The following RERG variants were observed in gnomAD, a reference collection of about 807,000 sequenced individuals.
RERG encodes the protein ras-related and estrogen-regulated growth inhibitor.
RERG carries 25 observed loss-of-function variants against 23.2 expected under a neutral mutation model. That is an observed-to-expected ratio of 1.08 (90% CI 0.79 to 1.50). RERG has a LOEUF of 1.50. Among genes scored for constraint, RERG ranks in the 40% most tolerant of loss-of-function variants. RERG has a pLI of 0.00. For synonymous variants in RERG, 81 were observed against 89.1 expected, an observed-to-expected ratio of 0.91 and a Z score of 0.51; for missense variants, 253 against 250.1, an observed-to-expected ratio of 1.01 and a Z score of -0.08.
intron 2 of RERG, among the ~76,000 whole-genome samples, chr12:15,168,374 G>A (rs951729825): frequency 6.6e-6 from 1 of 152,128 alleles, no homozygotes; most frequent in Non-Finnish European, 1.5e-5. Flanking sequence ...ACGTTTACTG[G>A]TTCCAGGACC....
intron 2 of RERG, among the ~76,000 whole-genome samples, chr12:15,195,299 T>C (rs957676187): frequency 6.6e-6 from 1 of 152,066 alleles, no homozygotes; most frequent in Admixed American, 6.6e-5. Context: ...ATACAAACCC[T>C]ATAAGACCAT....
chr12:15,187,392 T>G (rs373057119), intron 2 of RERG, among the ~76,000 whole-genome samples: 44 of 152,226 alleles, frequency 2.9e-4, no homozygotes, highest in African/African-American at 9.9e-4. Context: ...AAGTCTGGGG[T>G]CTTAGCACAA....
chr12:15,121,321 G>T (rs1863828050), intron 2 of RERG, among the ~76,000 whole-genome samples: 1 of 152,020 alleles, frequency 6.6e-6, no homozygotes, highest in Non-Finnish European at 1.5e-5. Context: ...TGTAATATTT[G>T]AATGGGTTTA....
At chr12:15,165,898 G>A (rs1319128207) in intron 2 of RERG, among the ~76,000 whole-genome samples, 1 of 152,162 alleles carries the variant, frequency 6.6e-6, no homozygotes, top group Non-Finnish European at 1.5e-5. Context: ...AAGATGGGCT[G>A]AGCATGGATG....
intron 2 of RERG, among the ~76,000 whole-genome samples, chr12:15,169,443 C>T (rs1864743659): frequency 6.6e-6 from 1 of 152,132 alleles, no homozygotes; most frequent in Non-Finnish European, 1.5e-5. Context: ...GAATTTGTCC[C>T]CTCTGCCTGA....
intron 2 of RERG, among the ~76,000 whole-genome samples, chr12:15,156,511 A>C (rs1276214560): frequency 6.6e-6 from 1 of 152,178 alleles, no homozygotes; most frequent in Non-Finnish European, 1.5e-5. Flanking sequence ...TTTAATCTCT[A>C]TCTCTCTGAT....
intron 2 of RERG, among the ~76,000 whole-genome samples, chr12:15,205,788 G>A (rs1466152099): frequency 2.6e-5 from 4 of 152,022 alleles, no homozygotes; most frequent in Non-Finnish European, 1.5e-5. Context: ...AGGAAAAGAC[G>A]TTATCTTTGT....
intron 2 of RERG, among the ~76,000 whole-genome samples, chr12:15,128,750 G>T (rs1489852101): frequency 6.6e-6 from 1 of 152,146 alleles, no homozygotes; most frequent in Non-Finnish European, 1.5e-5. Context: ...ATAATGGTTT[G>T]TCTTCCAGCT....
chr12:15,219,887 G>A (rs374142689), intron 1 of RERG, among the ~76,000 whole-genome samples: 2 of 152,102 alleles, frequency 1.3e-5, no homozygotes, highest in Admixed American at 6.5e-5. Flanking sequence ...GGCCCCAGAG[G>A]CATAGGAATT....
rs61079713 is a variant in RERG, at chr12:15,169,920, A to ATGTGTGTG, written c.61+47501_61+47508dup. 9.5e-3 allele frequency among the ~76,000 whole-genome samples: 1,305 copies of ATGTGTGTG among 137,680 alleles called. 7 individuals are homozygous for ATGTGTGTG. Among genetic ancestry groups the ATGTGTGTG allele is most frequent in the East Asian group, 0.017 (78 of 4,566 alleles). The allele number at this position is 137,680 out of a possible 152,430, so 90.3% of individuals were successfully genotyped here. A position where few individuals can be genotyped will look rare whatever the true frequency, so the allele number is the denominator to read the frequency against. Reference sequence around the variant, plus strand: ...GAAGGACACACGTCATCTGCTAAAAATGTGTGTGTGTGTGTGTGTGTGTGT... The same window carrying ATGTGTGTG: ...GAAGGACACACGTCATCTGCTAAAAATGTGTGTGTGTGTGTGTGTGTGTGTGTGTGTGT... On this transcript the variant is annotated intron_variant, in intron 2 of 4. Coordinates refer to ENST00000256953, the MANE Select transcript of RERG (RefSeq NM_032918.3).
At chr12:15,213,268 A>G (rs1373124237) in intron 2 of RERG, among the ~76,000 whole-genome samples, 6 of 152,236 alleles carry the variant, frequency 3.9e-5, no homozygotes, top group Non-Finnish European at 8.8e-5. Flanking sequence ...TACGACTACA[A>G]GAAGCATTTA....
intron 2 of RERG, among the ~76,000 whole-genome samples, chr12:15,198,096 T>C (rs1865168618): frequency 6.6e-6 from 1 of 152,146 alleles, no homozygotes; most frequent in Non-Finnish European, 1.5e-5. Context: ...GCATTGGTTC[T>C]TTTTAGTTCT....
chr12:15,218,152 G>C (rs1217015963), intron 1 of RERG: 1 of 152,190 alleles, frequency 6.6e-6, no homozygotes, highest in Non-Finnish European at 1.5e-5. Context: ...ACATGTTCTA[G>C]GAATCAATAT....
At chr12:15,144,495 A>C (rs1864296241) in intron 2 of RERG, among the ~76,000 whole-genome samples, 1 of 152,164 alleles carries the variant, frequency 6.6e-6, no homozygotes, top group Admixed American at 6.5e-5. Context: ...AGTAGGAGGA[A>C]AACCAGGAAA....
intron 3 of RERG, among the ~76,000 whole-genome samples, chr12:15,115,912 C>G (rs972369860): frequency 2.0e-5 from 3 of 152,110 alleles, no homozygotes; most frequent in Non-Finnish European, 2.9e-5. Flanking sequence ...GCACATTGCT[C>G]AAGTATTTTC....
intron 2 of RERG, among the ~76,000 whole-genome samples, chr12:15,181,342 T>C (rs1864920145): frequency 1.3e-5 from 2 of 152,260 alleles, no homozygotes; most frequent in South Asian, 4.1e-4. Context: ...TCCATATCAA[T>C]TCAGAAACTG....
At chr12:15,122,786 T>C (rs1863855850) in intron 2 of RERG, among the ~76,000 whole-genome samples, 1 of 151,786 alleles carries the variant, frequency 6.6e-6, no homozygotes, top group Non-Finnish European at 1.5e-5. Context: ...GACTACGTAG[T>C]TGTTTTTTTT....
intron 2 of RERG, among the ~76,000 whole-genome samples, chr12:15,174,376 G>C (rs1375126683): frequency 6.6e-6 from 1 of 151,738 alleles, no homozygotes; most frequent in Non-Finnish European, 1.5e-5. Context: ...TTCCCTTGTT[G>C]CTTTTAAGAT....
chr12:15,201,604 T>C (rs184397429), intron 2 of RERG, among the ~76,000 whole-genome samples: 2,925 of 145,542 alleles, frequency 0.02, 106 homozygotes, highest in African/African-American at 0.072. Context: ...TAATTAACAA[T>C]AATAATAATT....
Sources: allele counts gnomAD v4.1 joint callset (sites outside exome capture counted in the v4.1 genomes callset), GRCh38; gene constraint gnomAD v4.1.1; transcripts MANE v1.5; gene names NCBI Gene and HGNC (gene_info 2026-07-23, HGNC 2026-07-21).